Variants in ZKSCAN8 observed in about 807,000 individuals in gnomAD.
ZKSCAN8 encodes the protein zinc finger with KRAB and SCAN domains 8.
Under a neutral mutation model 57.2 loss-of-function variants are expected in ZKSCAN8, and 27 were observed. The ratio of observed to expected loss-of-function variants is 0.47; its 90% CI spans 0.35 to 0.65. The LOEUF (loss-of-function observed/expected upper bound fraction) is 0.65. Among genes scored for constraint, ZKSCAN8 ranks in the 30% least tolerant of loss-of-function variants. The pLI is 0.01. For synonymous variants in ZKSCAN8, 214 were observed against 248.7 expected (o/e 0.86, Z 1.31); for missense variants, 597 against 696.3 (o/e 0.86, Z 1.60).
chr6:28,147,916 G>C (rs1765450686), intron 1 of ZKSCAN8, among the ~76,000 whole-genome samples: 1 of 152,210 alleles, frequency 6.6e-6, no homozygotes, highest in Admixed American at 6.5e-5. Context: ...TTAAGAGTAA[G>C]GGAAAGGTTG....
intron 5 of ZKSCAN8, 60 bp downstream of exon 5, chr6:28,152,444 T>C (rs1765622571): frequency 6.5e-7 from 1 of 1,541,344 alleles, no homozygotes; most frequent in Non-Finnish European, 8.7e-7. Context: ...GTTGTTTATG[T>C]GTATAGTAGC....
rs796411072 is a variant in ZKSCAN8, at chr6:28,158,666, C to T, written c.*4649C>T. On this transcript the variant is annotated 3_prime_UTR_variant, in exon 6 of 6. Coordinates refer to ENST00000330236, the MANE Select transcript of ZKSCAN8 (RefSeq NM_006298.4). ...TCCCATTTCTCTCATCCCATTATAG[C>T]TTTTCATGTAGATCTGAGGCCCAGG... 7.2e-5 allele frequency: 11 copies of T among 152,194 alleles called. No individual in the cohort carries two copies. Among genetic ancestry groups the T allele is most frequent in the African/African-American group, 2.4e-4 (10 of 41,514 alleles). The allele number at this position is 152,194 out of a possible 1,614,324, so 9.4% of individuals were successfully genotyped here.
intron 4 of ZKSCAN8, 115 bp from the exon 5 acceptor site, chr6:28,152,146 C>T: frequency 2.0e-6 from 3 of 1,480,568 alleles, no homozygotes; most frequent in South Asian, 2.7e-5. Flanking sequence ...GATCCCTTTA[C>T]ATAGTACATT....
chr6:28,145,395 T>G (rs1367963571), intron 1 of ZKSCAN8, among the ~76,000 whole-genome samples: 1 of 152,172 alleles, frequency 6.6e-6, no homozygotes, highest in Non-Finnish European at 1.5e-5. Flanking sequence ...AAAGTAGATA[T>G]AGCCAGCCAG....
At position 28,152,335 on chromosome 6, in the gene ZKSCAN8, T is replaced by G. The variant is rs1765617738; in HGVS notation, c.726T>G (p.Asp242Glu). ...GGCTTCTTGATCCATCACAGAAGGA[T>G]CTGTGTAGAGATAACAGGCCAGAAA... ...EEWLLDPSQK[D>E]LCRDNRPENF... The change falls in exon 5 of 6, where the codon GAT becomes GAG. Residue 242 changes from aspartate to glutamate, a missense_variant. Transcript: ENST00000330236. 6.8e-6 allele frequency: 11 copies of G among 1,613,748 alleles called. No homozygotes were observed. Among genetic ancestry groups the G allele is most frequent in the African/African-American group, 1.3e-5 (1 of 74,892 alleles).
chr6:28,145,415 C>T (rs961756038), intron 1 of ZKSCAN8, among the ~76,000 whole-genome samples: 3 of 152,074 alleles, frequency 2.0e-5, no homozygotes, highest in African/African-American at 7.3e-5. Context: ...GGTTTACATT[C>T]ATAAAGGGCC....
intron 3 of ZKSCAN8, among the ~76,000 whole-genome samples, chr6:28,150,509 T>G (rs1421194573): frequency 2.0e-5 from 3 of 152,178 alleles, no homozygotes; most frequent in African/African-American, 7.2e-5. Flanking sequence ...AGTTACTATT[T>G]TTCCCTTTGT....
intron 1 of ZKSCAN8, among the ~76,000 whole-genome samples, chr6:28,146,316 A>T (rs1271776407): frequency 6.6e-6 from 1 of 152,256 alleles, no homozygotes; most frequent in African/African-American, 2.4e-5. Context: ...AGTTATGGGA[A>T]AAGTAACATT....
chr6:28,148,033 A>G (rs1249846943), intron 1 of ZKSCAN8, among the ~76,000 whole-genome samples: 1 of 152,210 alleles, frequency 6.6e-6, no homozygotes, highest in African/African-American at 2.4e-5. Context: ...CAAAATTTCA[A>G]CTAGACCCAG....
chr6:28,146,453 T>C (rs944301602), intron 1 of ZKSCAN8, among the ~76,000 whole-genome samples: 5 of 152,222 alleles, frequency 3.3e-5, no homozygotes, highest in African/African-American at 9.7e-5. Context: ...GTAGTGTCGG[T>C]ACTGATGAAA....
At chr6:28,142,700 A>G (rs1890809) in intron 1 of ZKSCAN8, among the ~76,000 whole-genome samples, 26,364 of 152,108 alleles carry the variant, frequency 0.17, 3,072 homozygotes, top group African/African-American at 0.32. Flanking sequence ...GACTGCCACC[A>G]CCACCTTTAA....
chr6:28,147,766 G>C (rs1205544766), intron 1 of ZKSCAN8, among the ~76,000 whole-genome samples: 2 of 152,210 alleles, frequency 1.3e-5, no homozygotes, highest in African/African-American at 2.4e-5. Flanking sequence ...CACGTCCATA[G>C]TAGAGGAAGT....
In ZKSCAN8 at chr6:28,158,943, T is replaced by A. The variant is rs1765872818; in HGVS notation, c.*4926T>A. The A allele has an allele frequency of 6.6e-6, 1 of 152,242 alleles. No individual in the cohort carries two copies. The highest frequency in any genetic ancestry group is 6.5e-5 in the Admixed American group (1 of 15,282). The allele number at this position is 152,242 out of a possible 1,614,324, so 9.4% of individuals were successfully genotyped here. On this transcript the variant is annotated 3_prime_UTR_variant, in exon 6 of 6. Coordinates refer to ENST00000330236, the MANE Select transcript of ZKSCAN8 (RefSeq NM_006298.4). The stretch of plus-strand genomic sequence containing the variant: ...GATAATTCCTATGGAGCAGTGGTGT[T>A]CCAAATTCTCCATTACCTCTATGCC...
At chr6:28,149,426 T>C in intron 2 of ZKSCAN8, 57 bp from the exon 3 acceptor site, 1 of 1,599,460 alleles carries the variant, frequency 6.3e-7, no homozygotes, top group Non-Finnish European at 8.5e-7. Flanking sequence ...TCCTCTTTCA[T>C]TGTTCATTAC....
chr6:28,148,648 A>C lies in ZKSCAN8; in HGVS notation c.241A>C (p.Arg81=). 5.0e-6 allele frequency: 8 copies of C among 1,614,086 alleles called. No individual in the cohort carries two copies. Among genetic ancestry groups the C allele is most frequent in the Non-Finnish European group, 6.8e-6 (8 of 1,180,002 alleles). ...QLRALCHQWL[R]PDLNTKEQIL... ...ACGGGCCCTTTGCCATCAGTGGCTG[A>C]GGCCAGATTTGAACACCAAGGAACA... The change falls in exon 2 of 6, where the codon AGG becomes CGG. Residue 81 remains arginine, a synonymous_variant. Coordinates refer to ENST00000330236, the MANE Select transcript of ZKSCAN8 (RefSeq NM_006298.4).
intron 2 of ZKSCAN8, 28 bp downstream of exon 2, chr6:28,148,852 G>C (rs537618596): frequency 8.2e-6 from 13 of 1,582,692 alleles, no homozygotes; most frequent in Non-Finnish European, 1.1e-5. Context: ...TGCGTGCTAT[G>C]ACTGTGGGAG....
Position 28,158,007 on chromosome 6 carries a change from C to A in ZKSCAN8, c.*3990C>A, listed in dbSNP as rs1212358190. ...TCAAACATATCTTTGATTTTTCAAC[C>A]CCCCTTTTTCATTAATCTGTTCTTA... On this transcript the variant is annotated 3_prime_UTR_variant, in exon 6 of 6. Coordinates refer to ENST00000330236, the MANE Select transcript of ZKSCAN8 (RefSeq NM_006298.4). 6.6e-6 allele frequency: 1 copy of A among 152,070 alleles called. No individual in the cohort carries two copies. Among genetic ancestry groups the A allele is most frequent in the East Asian group, 1.9e-4 (1 of 5,190 alleles). The allele number at this position is 152,070 out of a possible 1,614,324, so 9.4% of individuals were successfully genotyped here.
At chr6:28,141,800 G>T (rs1386207235), upstream of ZKSCAN8, 1 of 152,446 alleles carries the variant, frequency 6.6e-6, no homozygotes. Context: ...ACCCTCAGTC[G>T]GCCGACCATA....
intron 3 of ZKSCAN8, 61 bp downstream of exon 3, chr6:28,149,685 A>G: frequency 6.3e-7 from 1 of 1,589,754 alleles, no homozygotes; most frequent in South Asian, 1.1e-5. Flanking sequence ...TCCATTTGGG[A>G]TACCTATCTA....
Sources: gnomAD v4.1 joint callset for allele counts (sites outside exome capture counted in the v4.1 genomes callset) on GRCh38, gnomAD v4.1.1 for gene constraint, MANE v1.5 for transcripts, NCBI Gene and HGNC (gene_info 2026-07-23, HGNC 2026-07-21) for gene names.